Variants in SCARA3 observed in about 807,000 individuals in gnomAD.
The protein encoded by SCARA3 is scavenger receptor class A member 3, also known as cellular stress response gene protein.
SCARA3 carries 39 observed loss-of-function variants against 47.0 expected under a neutral mutation model. The observed-to-expected ratio is 0.83, with a 90% confidence interval of 0.64 to 1.08. The LOEUF (loss-of-function observed/expected upper bound fraction) is 1.08, where lower values mean the gene tolerates loss of function less well. Ranked by LOEUF, SCARA3 falls within the 50% of genes least tolerant of loss-of-function variation. The probability of loss-of-function intolerance (pLI) is 0.00; values close to 1 mark genes in which losing one functional copy is unlikely to be tolerated. For synonymous variants in SCARA3, 356 were observed against 334.1 expected (o/e 1.07, Z -0.71); for missense variants, 724 against 792.3 (o/e 0.91, Z 1.04).
the SCARA3 span, among the ~76,000 whole-genome samples, chr8:27,692,740 T>C: frequency 6.6e-6 from 1 of 152,194 alleles, no homozygotes; most frequent in African/African-American, 2.4e-5. Flanking sequence ...ATAATAAGAA[T>C]GTTGGCCTGC....
At chr8:27,642,382 T>C (rs1359163746) in intron 1 of SCARA3, among the ~76,000 whole-genome samples, 2 of 152,214 alleles carry the variant, frequency 1.3e-5, no homozygotes, top group Non-Finnish European at 1.5e-5. Flanking sequence ...ATACGTCTCA[T>C]TGGATTTTCA....
the SCARA3 span, among the ~76,000 whole-genome samples, chr8:27,732,940 A>G: frequency 5.9e-5 from 9 of 152,356 alleles, no homozygotes; most frequent in African/African-American, 2.2e-4. Context: ...CACAACCCAT[A>G]GCCCTACAGT....
chr8:27,683,143 CA>C, the SCARA3 span, among the ~76,000 whole-genome samples: 1 of 151,896 alleles, frequency 6.6e-6, no homozygotes, highest in Non-Finnish European at 1.5e-5. Flanking sequence ...GGATGAATCT[CA>C]AAAAACAAAA....
chr8:27,669,110 G>C lies in SCARA3; in HGVS notation c.1370-1790G>C, dbSNP rs1434048951. 5.3e-5 allele frequency among the ~76,000 whole-genome samples: 8 copies of C among 152,166 alleles called. 1 individual carries two copies. The Middle Eastern group carries it at 0.017, about 326-fold the overall frequency. ...TACCAGGGAGCTGGGGACAAGCCCT[G>C]GGGGAGAAGTGAGCCCAGGAGGAGT... is the stretch of plus-strand genomic sequence containing the variant. On this transcript the variant is annotated intron_variant, in intron 5 of 5. Coordinates refer to ENST00000301904, the MANE Select transcript of SCARA3 (RefSeq NM_016240.3).
At chr8:27,644,937 A>G (rs1459229357) in intron 1 of SCARA3, among the ~76,000 whole-genome samples, 2 of 152,126 alleles carry the variant, frequency 1.3e-5, no homozygotes, top group Non-Finnish European at 1.5e-5. Context: ...GACCCCCCCA[A>G]ACAAGAACCC....
the SCARA3 span, among the ~76,000 whole-genome samples, chr8:27,717,065 G>A: frequency 7.9e-5 from 12 of 152,206 alleles, no homozygotes; most frequent in Non-Finnish European, 7.3e-5. Flanking sequence ...CCAAGGGCCT[G>A]AAATTCAAGG....
chr8:27,645,849 A>G (rs996875953), intron 1 of SCARA3, among the ~76,000 whole-genome samples: 6 of 152,120 alleles, frequency 3.9e-5, no homozygotes, highest in African/African-American at 7.2e-5. Flanking sequence ...CCTCTGATCA[A>G]TCACTACTCT....
chr8:27,638,046 A>C (rs1801293586), intron 1 of SCARA3, among the ~76,000 whole-genome samples: 1 of 151,996 alleles, frequency 6.6e-6, no homozygotes, highest in Admixed American at 6.6e-5. Context: ...ATCCTCAAAC[A>C]TCGGCCCCAC....
the SCARA3 span, among the ~76,000 whole-genome samples, chr8:27,715,628 T>C: frequency 2.2e-3 from 326 of 150,426 alleles, no homozygotes; most frequent in African/African-American, 7.4e-3. This position sits in a 1 kb window ranked among gnomAD's most constrained non-coding sequence, Gnocchi z 4.2. Flanking sequence ...GATAGATAGA[T>C]AGATAGACAC....
At position 27,671,605 on chromosome 8, in the gene SCARA3, T is replaced by C. The variant is rs1802160661; in HGVS notation, c.*254T>C. 5 of 1,217,012 alleles carry C rather than the reference T, an allele frequency of 4.1e-6. No individual in the cohort carries two copies. The highest frequency in any genetic ancestry group is 4.1e-6 in the Non-Finnish European group (4 of 978,916). 75.4% of individuals were successfully genotyped at this position (1,217,012 alleles called of 1,614,324 possible). A position where few individuals can be genotyped will look rare whatever the true frequency, so the allele number is the denominator to read the frequency against. Reference sequence around the variant, plus strand: ...GCACACATACACGCACATGCACACATACACATGCATGCACACATACACAGG... The same window carrying C: ...GCACACATACACGCACATGCACACACACACATGCATGCACACATACACAGG... On this transcript the variant is annotated 3_prime_UTR_variant, in exon 6 of 6. Coordinates refer to ENST00000301904, the MANE Select transcript of SCARA3 (RefSeq NM_016240.3).
intron 5 of SCARA3, among the ~76,000 whole-genome samples, chr8:27,665,607 C>G (rs1221784063): frequency 6.6e-6 from 1 of 152,176 alleles, no homozygotes; most frequent in Non-Finnish European, 1.5e-5. Context: ...CGGGCTCAAG[C>G]AATCCACCCA....
chr8:27,727,394 C>T, the SCARA3 span, among the ~76,000 whole-genome samples: 3 of 152,352 alleles, frequency 2.0e-5, no homozygotes, highest in East Asian at 1.9e-4. Flanking sequence ...CCGCGTGATG[C>T]GCGCCGAGAC....
chr8:27,692,744 G>A, the SCARA3 span, among the ~76,000 whole-genome samples: 1 of 152,050 alleles, frequency 6.6e-6, no homozygotes, highest in Non-Finnish European at 1.5e-5. Context: ...TAAGAATGTT[G>A]GCCTGCACAA....
Position 27,672,374 on chromosome 8 carries a change from C to T in SCARA3, c.*1023C>T, listed in dbSNP as rs1299722083. 8.1e-6 allele frequency: 8 copies of T among 985,428 alleles called. No homozygotes were observed. Among genetic ancestry groups the T allele is most frequent in the Non-Finnish European group, 9.6e-6 (8 of 830,036 alleles). 61.0% of individuals were successfully genotyped at this position (985,428 alleles called of 1,614,324 possible). A position where few individuals can be genotyped will look rare whatever the true frequency, so the allele number is the denominator to read the frequency against. The stretch of plus-strand genomic sequence containing the variant: ...AGTGGAGATGGGAGACAGAGGCAGG[C>T]CAGAAGGTTCTCTCTGCACAGCTGC... On this transcript the variant is annotated 3_prime_UTR_variant, in exon 6 of 6. Transcript: ENST00000301904.
chr8:27,728,135 C>T, the SCARA3 span, among the ~76,000 whole-genome samples: 1 of 152,230 alleles, frequency 6.6e-6, no homozygotes, highest in Non-Finnish European at 1.5e-5. Flanking sequence ...AAGTGGTTTC[C>T]CTCGATCACA....
At chr8:27,668,588 G>C (rs1036411060) in intron 5 of SCARA3, among the ~76,000 whole-genome samples, 2 of 151,612 alleles carry the variant, frequency 1.3e-5, no homozygotes, top group African/African-American at 2.4e-5. Flanking sequence ...GGCCAGGTGG[G>C]ATGGCTCATG....
At chr8:27,718,483 A>G in the SCARA3 span, among the ~76,000 whole-genome samples, 1 of 152,202 alleles carries the variant, frequency 6.6e-6, no homozygotes, top group Non-Finnish European at 1.5e-5. Flanking sequence ...TGACTCTCAA[A>G]ACTTCACAGA....
At chr8:27,674,725 C>CTTTT (rs71553874), downstream of SCARA3, among the ~76,000 whole-genome samples, 50 of 106,276 alleles carry the variant, frequency 4.7e-4, no homozygotes, top group Non-Finnish European at 6.9e-4. Flanking sequence ...TTTTCTCTCT[C>CTTTT]TTTTTTTTTT....
the SCARA3 span, among the ~76,000 whole-genome samples, chr8:27,726,798 T>G: frequency 1.2e-4 from 18 of 152,168 alleles, no homozygotes; most frequent in African/African-American, 4.3e-4. Flanking sequence ...TATTTATTTA[T>G]TTTTTGAGAT....
Sources: allele counts gnomAD v4.1 joint callset (sites outside exome capture counted in the v4.1 genomes callset), GRCh38; gene constraint gnomAD v4.1.1; non-coding constraint Gnocchi (gnomAD v3.1); transcripts MANE v1.5; gene names NCBI Gene and HGNC (gene_info 2026-07-23, HGNC 2026-07-21).